The following WDR70 variants were observed in gnomAD, a reference collection of about 807,000 sequenced individuals.
WDR70 encodes the protein WD repeat-containing protein 70.
Under a neutral mutation model 88.6 loss-of-function variants are expected in WDR70, and 53 were observed. The ratio of observed to expected loss-of-function variants is 0.60; its 90% CI spans 0.48 to 0.75. The LOEUF is 0.75. Among genes scored for constraint, WDR70 ranks in the 30% least tolerant of loss-of-function variants. The probability of loss-of-function intolerance (pLI) is 0.00; values close to 1 mark genes in which losing one functional copy is unlikely to be tolerated. For missense variants in WDR70, 610 were observed against 823.2 expected, an observed-to-expected ratio of 0.74 and a Z score of 3.17; for synonymous variants, 280 against 270.0, an observed-to-expected ratio of 1.04 and a Z score of -0.36.
At chr5:37,693,471 T>C (rs1488921750) in intron 10 of WDR70, among the ~76,000 whole-genome samples, 14 of 151,948 alleles carry the variant, frequency 9.2e-5, no homozygotes, top group South Asian at 8.3e-4. Flanking sequence ...TAGTACAAGG[T>C]TACAGTAACC....
At chr5:37,493,544 C>G (rs1453665448) in intron 8 of WDR70, among the ~76,000 whole-genome samples, 2 of 152,170 alleles carry the variant, frequency 1.3e-5, no homozygotes, top group African/African-American at 2.4e-5. Context: ...CCCAGAACCT[C>G]TAGAAAATAG....
intron 10 of WDR70, among the ~76,000 whole-genome samples, chr5:37,686,425 C>G (rs998387876): frequency 6.6e-6 from 1 of 151,892 alleles, no homozygotes; most frequent in Non-Finnish European, 1.5e-5. Context: ...AGAAGACAAC[C>G]AGGACCCATG....
intron 9 of WDR70, among the ~76,000 whole-genome samples, chr5:37,562,746 G>A (rs1742554174): frequency 6.6e-6 from 1 of 152,048 alleles, no homozygotes; most frequent in Non-Finnish European, 1.5e-5. Context: ...ACATGTTTCA[G>A]AGAGCACAGG....
At chr5:37,699,051 TG>T (rs1747065851) in intron 11 of WDR70, among the ~76,000 whole-genome samples, 1 of 152,104 alleles carries the variant, frequency 6.6e-6, no homozygotes, top group African/African-American at 2.4e-5. Flanking sequence ...CTGAATCCCC[TG>T]GGAAAGTTTT....
Position 37,586,398 on chromosome 5 carries a change from C to T in WDR70, c.918-18666C>T, listed in dbSNP as rs77693769. On this transcript the variant is annotated intron_variant, in intron 9 of 17. Transcript: ENST00000265107. ...CTTAACATCTCTTTGGAATTTAATACTCATGATCACACCTTTTTTTTATTA... is the reference window on the plus strand; with the variant it reads ...CTTAACATCTCTTTGGAATTTAATATTCATGATCACACCTTTTTTTTATTA... 5.3e-3 allele frequency among the ~76,000 whole-genome samples: 803 copies of T among 152,248 alleles called. 10 individuals are homozygous for T. The highest frequency in any genetic ancestry group is 0.018 in the African/African-American group (765 of 41,552).
At chr5:37,698,333 G>C (rs1299265208) in intron 11 of WDR70, among the ~76,000 whole-genome samples, 1 of 152,168 alleles carries the variant, frequency 6.6e-6, no homozygotes, top group African/African-American at 2.4e-5. Flanking sequence ...TGTATTGGTA[G>C]AAGGAGATGG....
intron 3 of WDR70, among the ~76,000 whole-genome samples, chr5:37,384,015 G>C (rs746947589): frequency 1.3e-5 from 2 of 151,956 alleles, no homozygotes; most frequent in African/African-American, 4.8e-5. Context: ...AGATGATTTC[G>C]AAGCAAATCT....
At chr5:37,675,410 A>G (rs1200531881) in intron 10 of WDR70, among the ~76,000 whole-genome samples, 2 of 152,132 alleles carry the variant, frequency 1.3e-5, no homozygotes, top group South Asian at 2.1e-4. Context: ...TAATTTTTGT[A>G]TAAGGTGTAA....
At chr5:37,726,798 T>G in intron 16 of WDR70, 85 bp from the exon 17 acceptor site, 2 of 1,299,966 alleles carry the variant, frequency 1.5e-6, no homozygotes, top group Non-Finnish European at 2.0e-6. Flanking sequence ...AGATTTGTGC[T>G]CAGATAAGTA....
chr5:37,390,740 A>G (rs1176315054), intron 3 of WDR70, among the ~76,000 whole-genome samples: 7 of 133,460 alleles, frequency 5.2e-5, no homozygotes, highest in Admixed American at 7.6e-5. Context: ...TTTTGAGATG[A>G]TGTTTTGCTT....
At chr5:37,524,482 A>G (rs1741195559) in intron 9 of WDR70, among the ~76,000 whole-genome samples, 1 of 152,228 alleles carries the variant, frequency 6.6e-6, no homozygotes, top group Non-Finnish European at 1.5e-5. Context: ...TGAAGGAAGC[A>G]CTAAACATGG....
At chr5:37,404,356 T>C (rs1749289422) in intron 5 of WDR70, among the ~76,000 whole-genome samples, 1 of 152,072 alleles carries the variant, frequency 6.6e-6, no homozygotes, top group Admixed American at 6.6e-5. Context: ...TATTTCTTCT[T>C]AAAAAAAGGG....
intron 9 of WDR70, among the ~76,000 whole-genome samples, chr5:37,549,395 G>A (rs1167861396): frequency 2.0e-5 from 3 of 151,890 alleles, no homozygotes; most frequent in Admixed American, 6.6e-5. Context: ...TTTATGTGTG[G>A]CTACTGTAAA....
chr5:37,496,774 G>A (rs1027450082), intron 8 of WDR70, among the ~76,000 whole-genome samples: 1 of 152,206 alleles, frequency 6.6e-6, no homozygotes, highest in Non-Finnish European at 1.5e-5. Flanking sequence ...ATGGAATTGA[G>A]TAGCAGCCAT....
At chr5:37,564,524 A>AGAGGGAGACGGTG (rs1742674788) in intron 9 of WDR70, among the ~76,000 whole-genome samples, 7 of 134,890 alleles carry the variant, frequency 5.2e-5, no homozygotes, top group African/African-American at 1.5e-4. Context: ...GTGGAAAGAG[A>AGAGGGAGACGGTG]GGGAGAGGGA....
intron 7 of WDR70, among the ~76,000 whole-genome samples, chr5:37,476,442 C>T (rs1739487309): frequency 6.6e-6 from 1 of 152,154 alleles, no homozygotes; most frequent in Non-Finnish European, 1.5e-5. Context: ...TGCAGTTGGT[C>T]CTGAGAAATC....
At position 37,396,661 on chromosome 5, in the gene WDR70, G is replaced by A. The variant is rs1749023842; in HGVS notation, c.492+91G>A. Reference sequence around the variant, plus strand: ...GCTAAACTGTTTTTCATGAGTAAGAGCCAATTTAAAAACTGAGGAAAGGCC... The same window carrying A: ...GCTAAACTGTTTTTCATGAGTAAGAACCAATTTAAAAACTGAGGAAAGGCC... On this transcript the variant is annotated intron_variant, in intron 5 of 17. Transcript: ENST00000265107. 1.2e-5 allele frequency: 17 copies of A among 1,436,754 alleles called. No individual in the cohort carries two copies. The South Asian group carries it at 2.6e-4, about 22-fold the overall frequency. 89.0% of individuals were successfully genotyped at this position (1,436,754 alleles called of 1,614,324 possible).
chr5:37,737,877 CTT>C (rs1748345979), intron 17 of WDR70, among the ~76,000 whole-genome samples: 1 of 151,904 alleles, frequency 6.6e-6, no homozygotes, highest in African/African-American at 2.4e-5. Flanking sequence ...TCTTCACAGT[CTT>C]TGAACTCTCA....
intron 9 of WDR70, among the ~76,000 whole-genome samples, chr5:37,543,589 G>T (rs1023144389): frequency 1.3e-5 from 2 of 152,042 alleles, no homozygotes; most frequent in Admixed American, 6.6e-5. Context: ...CATATTTATT[G>T]TACTATTTAA....
Sources: gnomAD v4.1 joint callset for allele counts (sites outside exome capture counted in the v4.1 genomes callset) on GRCh38, gnomAD v4.1.1 for gene constraint, MANE v1.5 for transcripts, NCBI Gene and HGNC (gene_info 2026-07-23, HGNC 2026-07-21) for gene names.